The following TJP1 variants were observed in gnomAD, a reference collection of about 807,000 sequenced individuals.
TJP1 encodes the protein tight junction protein 1.
In TJP1, 43 loss-of-function variants were observed where a neutral mutation model predicts 194.2. The observed-to-expected ratio is 0.22, with a 90% CI of 0.17 to 0.29. The LOEUF (loss-of-function observed/expected upper bound fraction) is 0.29, where lower values mean the gene tolerates loss of function less well. Ranked by LOEUF, TJP1 falls within the 10% of genes least tolerant of loss-of-function variation. The pLI, the probability that TJP1 is intolerant of heterozygous loss-of-function variation, is 1.00. For missense variants in TJP1, 1,971 were observed against 2,185.7 expected, an observed-to-expected ratio of 0.90 and a Z score of 1.96; for synonymous variants, 801 against 779.0, an observed-to-expected ratio of 1.03 and a Z score of -0.47.
At chr15:29,724,928 G>A (rs897044760) in intron 18 of TJP1, among the ~76,000 whole-genome samples, 2 of 152,048 alleles carry the variant, frequency 1.3e-5, no homozygotes, top group African/African-American at 4.8e-5. Flanking sequence ...AAGATTTGTG[G>A]ATTTTAAAAA....
At chr15:29,705,773 G>A (rs769951732) in intron 25 of TJP1, 28 bp from the exon 26 acceptor site, 1 of 1,600,262 alleles carries the variant, frequency 6.2e-7, no homozygotes, top group African/African-American at 1.3e-5. Flanking sequence ...GCTAGTGAGT[G>A]AATTCCTAAT....
chr15:29,739,936 A>G (rs1281887952), intron 10 of TJP1, among the ~76,000 whole-genome samples: 2 of 152,164 alleles, frequency 1.3e-5, no homozygotes, highest in Non-Finnish European at 2.9e-5. Context: ...TTCAGGAACT[A>G]CTTCTATCTA....
intron 11 of TJP1, among the ~76,000 whole-genome samples, chr15:29,735,370 C>T: frequency 6.6e-6 from 1 of 152,046 alleles, no homozygotes; most frequent in Non-Finnish European, 1.5e-5. Flanking sequence ...AGGTGGACTG[C>T]TTGAACCCAG....
chr15:29,762,448 TGTAA>T lies in TJP1; in HGVS notation c.590-14_590-11del, dbSNP rs2046066258. 1.2e-6 allele frequency: 2 copies of T among 1,603,148 alleles called. No individual in the cohort carries two copies. On this transcript the variant is annotated splice_polypyrimidine_tract_variant and intron_variant, in intron 5 of 27. Coordinates refer to ENST00000614355, the MANE Select transcript of TJP1 (RefSeq NM_001330239.4). Reference sequence around the variant, plus strand: ...AATCGAAGACCATATTCTGAAATAATGTAAGTAAGTGTTTTTAGTATAACATCCT... The same window carrying T: ...AATCGAAGACCATATTCTGAAATAATGTAAGTGTTTTTAGTATAACATCCT...
intron 2 of TJP1, among the ~76,000 whole-genome samples, chr15:29,841,369 T>A (rs939642904): frequency 2.0e-5 from 3 of 152,244 alleles, no homozygotes; most frequent in Admixed American, 6.5e-5. Flanking sequence ...CTTGTTCATA[T>A]GTTTACAAAC....
At chr15:29,961,790 C>T (rs575635546) in intron 1 of TJP1, among the ~76,000 whole-genome samples, 10 of 152,254 alleles carry the variant, frequency 6.6e-5, no homozygotes, top group East Asian at 1.9e-4. Context: ...TCATAGCTCC[C>T]GAGGTAAGAG....
chr15:29,884,245 C>T (rs2053036776), intron 2 of TJP1, among the ~76,000 whole-genome samples: 1 of 152,104 alleles, frequency 6.6e-6, no homozygotes, highest in Admixed American at 6.5e-5. Context: ...GCTGGAGAAA[C>T]CTTAGAGATC....
chr15:29,827,810 C>T (rs1418298158), intron 2 of TJP1, among the ~76,000 whole-genome samples: 1 of 152,116 alleles, frequency 6.6e-6, no homozygotes, highest in African/African-American at 2.4e-5. Flanking sequence ...CAAAGGGCCC[C>T]TAGATTATAG....
In TJP1 at chr15:29,949,151, T is replaced by TTCA. The variant is rs1308365640; in HGVS notation, c.306+7080_306+7081insTGA. Among the ~76,000 whole-genome samples the TTCA allele has an allele frequency of 3.0e-4, 31 of 103,924 alleles. No homozygotes were observed. The South Asian group carries it at 6.3e-3, about 21-fold the overall frequency. The allele number at this position is 103,924 out of a possible 152,430, so 68.2% of individuals were successfully genotyped here. On this transcript the variant is annotated intron_variant, in intron 2 of 28. Coordinates refer to the TJP1 transcript ENST00000356107. ...CACCTCCACCTCCACCTTCACCACCTCCACTACTACCTCCACCACCACCAC... is the reference window on the plus strand; with the variant it reads ...CACCTCCACCTCCACCTTCACCACCTTCACCACTACTACCTCCACCACCACCAC...
At chr15:29,869,795 CTTTTTTTTTTT>C (rs11318770) in intron 2 of TJP1, among the ~76,000 whole-genome samples, 39 of 56,060 alleles carry the variant, frequency 7.0e-4, no homozygotes, top group African/African-American at 2.4e-3. Context: ...TTCTTTCTTT[CTTTTTTTTTTT>C]TTTTTTTTTT....
At chr15:29,860,564 G>T (rs1212828803) in intron 2 of TJP1, among the ~76,000 whole-genome samples, 2 of 152,108 alleles carry the variant, frequency 1.3e-5, no homozygotes, top group African/African-American at 4.8e-5. Flanking sequence ...TTTACCCTGA[G>T]TTTTCAAGGT....
intron 10 of TJP1, among the ~76,000 whole-genome samples, chr15:29,739,723 G>C (rs1304091939): frequency 1.3e-5 from 2 of 152,054 alleles, no homozygotes; most frequent in Non-Finnish European, 2.9e-5. Flanking sequence ...GGGATTACAG[G>C]CATGAGCCAC....
At chr15:29,908,594 G>C (rs2053905871) in intron 2 of TJP1, among the ~76,000 whole-genome samples, 3 of 152,214 alleles carry the variant, frequency 2.0e-5, no homozygotes, top group Admixed American at 2.0e-4. Flanking sequence ...CATCTGTTTT[G>C]AAGGTGGGGC....
Position 29,742,783 on chromosome 15 carries a change from T to A in TJP1, c.1011-2A>T. 1 of 1,573,900 alleles carries A rather than the reference T, an allele frequency of 6.4e-7. No homozygotes were observed. The highest frequency in any genetic ancestry group is 8.6e-7 in the Non-Finnish European group (1 of 1,165,396). ...CTCTCTTCATCTCTACTCCGGAGAC[T>A]GTGTGTCATTAAAATAAAAAATCAA... On this transcript the variant is annotated splice_acceptor_variant, in intron 8 of 27. Coordinates refer to ENST00000614355, the MANE Select transcript of TJP1 (RefSeq NM_001330239.4). LOFTEE classifies it high-confidence loss of function.
At chr15:29,790,140 G>C (rs539211002) in intron 2 of TJP1, among the ~76,000 whole-genome samples, 2 of 152,300 alleles carry the variant, frequency 1.3e-5, no homozygotes, top group Admixed American at 6.5e-5. Flanking sequence ...GCAGGGTTGA[G>C]TAGTTTTGAC....
Position 29,700,260 on chromosome 15 carries a change from C to A in TJP1, c.*1335G>T, listed in dbSNP as rs1047617769. 1 of 398,792 alleles carries A rather than the reference C, an allele frequency of 2.5e-6. No homozygotes were observed. The highest frequency in any genetic ancestry group is 2.1e-5 in the African/African-American group (1 of 48,594). 24.7% of individuals were successfully genotyped at this position (398,792 alleles called of 1,614,324 possible). On this transcript the variant is annotated 3_prime_UTR_variant, in exon 28 of 28. Transcript: ENST00000614355. ...TTAACAGAATGTAGTGGTGTATTAT[C>A]TAAACAGAAATCGTGCTGATGTGCC...
intron 2 of TJP1, among the ~76,000 whole-genome samples, chr15:29,781,063 GA>G (rs1051173110): frequency 6.6e-6 from 1 of 151,274 alleles, no homozygotes; most frequent in East Asian, 1.9e-4. Flanking sequence ...TTGTATTTTT[GA>G]AAAAAAATCA....
intron 1 of TJP1, among the ~76,000 whole-genome samples, chr15:29,802,751 G>A (rs1251138467): frequency 6.6e-6 from 1 of 152,132 alleles, no homozygotes; most frequent in Non-Finnish European, 1.5e-5. Context: ...TATTAAGAAT[G>A]AGAACTGCTT....
At position 29,859,128 on chromosome 15, in the gene TJP1, G is replaced by T. The variant is rs527929165; in HGVS notation, c.307-58426C>A. On this transcript the variant is annotated intron_variant, in intron 2 of 28. Transcript: ENST00000356107. ...ATTAACATGCTATTTGTAATAACAA[G>T]GAAAAAGTATGTTATTTTGTTAAGT... 2.6e-5 allele frequency among the ~76,000 whole-genome samples: 4 copies of T among 152,198 alleles called. No homozygotes were observed. The South Asian group carries it at 8.3e-4, about 32-fold the overall frequency.
Sources: gnomAD v4.1 joint callset for allele counts (sites outside exome capture counted in the v4.1 genomes callset) on GRCh38, gnomAD v4.1.1 for gene constraint, MANE v1.5 for transcripts, NCBI Gene and HGNC (gene_info 2026-07-23, HGNC 2026-07-21) for gene names.